TMTC2: variants seen among roughly 807,000 people sequenced by gnomAD.
The protein encoded by TMTC2 is protein O-mannosyl-transferase TMTC2.
In TMTC2, 43 loss-of-function variants were observed where a neutral mutation model predicts 82.4. The observed-to-expected ratio is 0.52, with a 90% CI of 0.41 to 0.67. The LOEUF (loss-of-function observed/expected upper bound fraction) is 0.67, where lower values mean the gene tolerates loss of function less well. Ranked by LOEUF, TMTC2 falls within the 30% of genes least tolerant of loss-of-function variation. The probability of loss-of-function intolerance (pLI) is 0.00; values close to 1 mark genes in which losing one functional copy is unlikely to be tolerated. For synonymous variants in TMTC2, 408 were observed against 381.9 expected, an observed-to-expected ratio of 1.07 and a Z score of -0.80; for missense variants, 919 against 1,012.4, an observed-to-expected ratio of 0.91 and a Z score of 1.25.
In TMTC2 at chr12:82,687,340, G is replaced by C. The variant is rs2136876569; in HGVS notation, c.-247G>C. ...AGCCCAAACGCCGCTCACCGCTTGC[G>C]GGCGCCGGGCATGGGGAGTGTGGTG... On this transcript the variant is annotated 5_prime_UTR_variant, in exon 1 of 12. Transcript: ENST00000321196. 3.6e-6 allele frequency: 2 copies of C among 548,098 alleles called. No individual in the cohort carries two copies. The highest frequency in any genetic ancestry group is 4.2e-5 in the South Asian group (2 of 47,258). The allele number at this position is 548,098 out of a possible 1,614,324, so 34.0% of individuals were successfully genotyped here.
chr12:83,039,371 A>G lies in TMTC2; in HGVS notation c.2152+8492A>G, dbSNP rs546269222. Among the ~76,000 whole-genome samples the G allele has an allele frequency of 5.3e-5, 8 of 152,306 alleles. No individual in the cohort carries two copies. The East Asian group carries it at 1.5e-3, about 29-fold the overall frequency. On this transcript the variant is annotated intron_variant, in intron 9 of 11. Transcript: ENST00000321196. ...ACTTAAGAAAGGAATAAAGTAGAGAAAGATCACTTGCATGGAGTCTATTAC... is the reference window on the plus strand; with the variant it reads ...ACTTAAGAAAGGAATAAAGTAGAGAGAGATCACTTGCATGGAGTCTATTAC...
Position 82,705,358 on chromosome 12 carries a change from T to C in TMTC2, c.83+17689T>C, listed in dbSNP as rs141231190. 1.4e-3 allele frequency among the ~76,000 whole-genome samples: 211 copies of C among 152,182 alleles called. 2 individuals are homozygous for C. The highest frequency in any genetic ancestry group is 2.5e-3 in the Non-Finnish European group (168 of 68,018). On this transcript the variant is annotated intron_variant, in intron 1 of 11. Transcript: ENST00000321196. Reference sequence around the variant, plus strand: ...ATAAAAAAAATTCAAAAAAAGAAAATTGTCCTTATATACATGTCAGACAAA... The same window carrying C: ...ATAAAAAAAATTCAAAAAAAGAAAACTGTCCTTATATACATGTCAGACAAA...
In TMTC2 at chr12:82,896,504, A is replaced by C. The variant is rs1873696489; in HGVS notation, c.1341A>C (p.Gln447His). ...CTAGAGCCCTTTATGTCAAAGTCCA[A>C]AAGCGGTTCCTCAAGAGCTTGATTT... ...VGARALYVKV[Q>H]KRFLKSLIFY... Residue 447 changes from glutamine (Q) to histidine (H), a missense_variant, in exon 3 of 12, where the codon CAA becomes CAC. Gln to His is a conservative substitution (Grantham distance 24). Transcript: ENST00000321196. 6.2e-7 allele frequency: 1 copy of C among 1,614,048 alleles called. No individual in the cohort carries two copies. The highest frequency in any genetic ancestry group is 8.5e-7 in the Non-Finnish European group (1 of 1,180,028).
intron 8 of TMTC2, among the ~76,000 whole-genome samples, chr12:83,020,668 A>G (rs910656595): frequency 3.9e-5 from 6 of 152,174 alleles, no homozygotes; most frequent in African/African-American, 1.4e-4. Context: ...TCAGGATACC[A>G]ATATAGCAAC....
intron 11 of TMTC2, among the ~76,000 whole-genome samples, chr12:83,076,082 C>T (rs1883276151): frequency 6.6e-6 from 1 of 152,204 alleles, no homozygotes; most frequent in Admixed American, 6.5e-5. Flanking sequence ...AAGTTGCAGC[C>T]TAGACTGGGG....
intron 1 of TMTC2, among the ~76,000 whole-genome samples, chr12:82,753,272 T>C (rs1304041044): frequency 6.6e-6 from 1 of 152,030 alleles, no homozygotes; most frequent in African/African-American, 2.4e-5. Context: ...GAAAATAATT[T>C]ATTTCTGCAG....
At chr12:83,037,402 T>G (rs1800816911) in intron 9 of TMTC2, among the ~76,000 whole-genome samples, 1 of 152,220 alleles carries the variant, frequency 6.6e-6, no homozygotes, top group African/African-American at 2.4e-5. Context: ...AATTACATAA[T>G]GAACCAAATA....
At chr12:82,812,397 C>T (rs1387235102) in intron 1 of TMTC2, among the ~76,000 whole-genome samples, 1 of 151,848 alleles carries the variant, frequency 6.6e-6, no homozygotes, top group Non-Finnish European at 1.5e-5. Flanking sequence ...AAGTAATGGC[C>T]CAACTGGAAA....
chr12:83,068,274 A>T (rs1882989645), intron 11 of TMTC2, among the ~76,000 whole-genome samples: 1 of 152,140 alleles, frequency 6.6e-6, no homozygotes, highest in Non-Finnish European at 1.5e-5. Context: ...AGCTATTATT[A>T]ATTGAAAGGA....
At chr12:82,940,807 C>G (rs1213729759) in intron 4 of TMTC2, among the ~76,000 whole-genome samples, 2 of 151,908 alleles carry the variant, frequency 1.3e-5, no homozygotes, top group African/African-American at 4.8e-5. Context: ...TTCTGGATAC[C>G]TCTCCCACTT....
At chr12:82,967,173 A>G (rs1383098928) in intron 7 of TMTC2, among the ~76,000 whole-genome samples, 176 bp downstream of exon 7, 2 of 152,302 alleles carry the variant, frequency 1.3e-5, no homozygotes, top group South Asian at 2.1e-4. Flanking sequence ...GACATGACAA[A>G]TAAATGCATT....
rs184972039 is a variant in TMTC2 at position 82,755,940 on chromosome 12, A to C, written c.83+68271A>C. Among the ~76,000 whole-genome samples, 75 of 152,262 alleles carry C rather than the reference A, an allele frequency of 4.9e-4. 1 individual carries two copies. The highest frequency in any genetic ancestry group is 1.1e-3 in the African/African-American group (44 of 41,546). On this transcript the variant is annotated intron_variant, in intron 1 of 11. Transcript: ENST00000321196. ...TAAAATGCTGTACTAGGAAAAAAAA[A>C]CCCTGATATTTGTGCTCAAAGGTGA...
At chr12:83,122,786 C>T (rs1459281815) in intron 11 of TMTC2, among the ~76,000 whole-genome samples, 1 of 152,072 alleles carries the variant, frequency 6.6e-6, no homozygotes, top group Non-Finnish European at 1.5e-5. Context: ...AGCATGGATC[C>T]TCCACAGGCT....
intron 9 of TMTC2, among the ~76,000 whole-genome samples, chr12:83,039,471 A>G (rs1284224468): frequency 6.6e-6 from 1 of 151,930 alleles, no homozygotes; most frequent in Non-Finnish European, 1.5e-5. Flanking sequence ...AATATATATT[A>G]TATATTTGAT....
chr12:82,956,576 C>T (rs1877627787), intron 4 of TMTC2, among the ~76,000 whole-genome samples: 2 of 152,194 alleles, frequency 1.3e-5, no homozygotes, highest in Middle Eastern at 3.4e-3. Context: ...CAGCCTCCCT[C>T]CCAAGTAGCT....
Position 82,976,690 on chromosome 12 carries a change from C to A in TMTC2, c.1949-9235C>A, listed in dbSNP as rs12304449. On this transcript the variant is annotated intron_variant, in intron 7 of 11. Coordinates refer to ENST00000321196, the MANE Select transcript of TMTC2 (RefSeq NM_152588.3). ...TGACAAAAATATTGGGATGGAGATA[C>A]AAAAGATTCACAAAATTTGACTGCT... Among the ~76,000 whole-genome samples, 1,357 of 151,942 alleles carry A rather than the reference C, an allele frequency of 8.9e-3. 17 individuals carry two copies. The highest frequency in any genetic ancestry group is 0.031 in the African/African-American group (1,286 of 41,500).
chr12:83,017,206 A>C (rs1159541858), intron 8 of TMTC2, among the ~76,000 whole-genome samples: 1 of 152,166 alleles, frequency 6.6e-6, no homozygotes, highest in Non-Finnish European at 1.5e-5. Flanking sequence ...AATGGAGCCT[A>C]GTGGTTTCAT....
intron 1 of TMTC2, among the ~76,000 whole-genome samples, chr12:82,725,613 A>G (rs1284097529): frequency 6.6e-6 from 1 of 152,222 alleles, no homozygotes; most frequent in Non-Finnish European, 1.5e-5. Flanking sequence ...CACAGCCCAC[A>G]GTCCTGAGAA....
chr12:83,125,413 TA>T (rs1885072808), intron 11 of TMTC2, among the ~76,000 whole-genome samples: 1 of 152,222 alleles, frequency 6.6e-6, no homozygotes, highest in Non-Finnish European at 1.5e-5. Flanking sequence ...GATGTTATGT[TA>T]TTATCTTATT....
Sources: gnomAD v4.1 joint callset for allele counts (sites outside exome capture counted in the v4.1 genomes callset) on GRCh38, gnomAD v4.1.1 for gene constraint, MANE v1.5 for transcripts, NCBI Gene and HGNC (gene_info 2026-07-23, HGNC 2026-07-21) for gene names.